F9: variants seen among roughly 807,000 people sequenced by gnomAD.
F9 encodes Christmas factor.
F9 carries 2 observed loss-of-function variants against 34.1 expected under a neutral mutation model. The observed-to-expected ratio is 0.06, with a 90% confidence interval of 0.02 to 0.18. F9 has a LOEUF of 0.18. F9 is among the 10% of genes least tolerant of loss of function. F9 has a pLI of 1.00. For synonymous variants in F9, 137 were observed against 118.8 expected (o/e 1.15, Z -1.00); for missense variants, 216 against 345.1 (o/e 0.63, Z 2.96).
intron 4 of F9, chrX:139,544,748 T>C (rs1257641685): frequency 1.8e-5 from 2 of 111,676 alleles, no homozygotes; most frequent in African/African-American, 6.5e-5. Flanking sequence ...GGATGAGTTA[T>C]CAAACTACTC....
intron 3 of F9, among the ~76,000 whole-genome samples, chrX:139,540,620 G>A (rs763454112): frequency 1.6e-4 from 18 of 111,720 alleles, no homozygotes; most frequent in Admixed American, 7.6e-4. Context: ...AAGTGGAAAC[G>A]CCATATATTA....
intron 6 of F9, among the ~76,000 whole-genome samples, chrX:139,552,737 G>C (rs1266701490): frequency 8.9e-6 from 1 of 112,294 alleles, no homozygotes; most frequent in Non-Finnish European, 1.9e-5. Flanking sequence ...ACTTATAATA[G>C]TTTAGTGTAA....
At chrX:139,560,008 C>T (rs959201490) in intron 6 of F9, among the ~76,000 whole-genome samples, 3 of 112,131 alleles carry the variant, frequency 2.7e-5, no homozygotes, top group African/African-American at 9.7e-5. Context: ...ATGGACTTGC[C>T]TCTTATCTAA....
At chrX:139,554,583 T>C (rs1376362196) in intron 6 of F9, among the ~76,000 whole-genome samples, 2 of 112,221 alleles carry the variant, frequency 1.8e-5, no homozygotes, top group Non-Finnish European at 3.8e-5. Flanking sequence ...CATTTGTGGA[T>C]GGGCCAGCTC....
intron 3 of F9, among the ~76,000 whole-genome samples, chrX:139,538,524 A>T (rs1342615210): frequency 9.0e-6 from 1 of 111,585 alleles, no homozygotes; most frequent in Non-Finnish European, 1.9e-5. Flanking sequence ...ACACTCTTTT[A>T]CTCTCATAAC....
intron 1 of F9, among the ~76,000 whole-genome samples, chrX:139,533,798 A>G (rs1294579735): frequency 9.0e-6 from 1 of 111,190 alleles, no homozygotes; most frequent in Non-Finnish European, 1.9e-5. Context: ...TGTGCCCTAC[A>G]TGCCTTGTTT....
chrX:139,530,826 G>T lies in F9; in HGVS notation c.62G>T (p.Gly21Val). Residue 21 changes from glycine to valine, a missense_variant, in exon 1 of 8, where the codon GGA (glycine) becomes GTA (valine). By Grantham distance (109) the Gly-to-Val change is moderately radical. Coordinates refer to ENST00000218099, the MANE Select transcript of F9 (RefSeq NM_000133.4). ...GGCCTCATCACCATCTGCCTTTTAG[G>T]ATATCTACTCAGTGCTGAATGTACA... is the stretch of plus-strand genomic sequence containing the variant. ...SPGLITICLL[G>V]YLLSAECTVF... is the part of the protein sequence containing the mutation. The T allele has an allele frequency of 5.0e-6, 6 of 1,208,780 alleles. No homozygotes were observed. Among genetic ancestry groups the T allele is most frequent in the Non-Finnish European group, 6.7e-6 (6 of 892,714 alleles).
chrX:139,550,141 T>C (rs1927807718), intron 5 of F9, among the ~76,000 whole-genome samples: 1 of 112,534 alleles, frequency 8.9e-6, no homozygotes, highest in Non-Finnish European at 1.9e-5. Flanking sequence ...GCCTTAGCTT[T>C]AGCAGAATAA....
intron 3 of F9, among the ~76,000 whole-genome samples, chrX:139,538,626 C>T (rs3117454): frequency 0.059 from 6,571 of 111,250 alleles, 497 homozygotes; most frequent in African/African-American, 0.2. Flanking sequence ...ATCTTAGAAA[C>T]GAATACTACC....
At chrX:139,534,713 C>T (rs1421254476) in intron 1 of F9, among the ~76,000 whole-genome samples, 4 of 111,854 alleles carry the variant, frequency 3.6e-5, no homozygotes, top group East Asian at 2.8e-4. Flanking sequence ...ATTTTTATAT[C>T]GGAGACTTGA....
chrX:139,545,995 G>T (rs1248611932), intron 4 of F9, among the ~76,000 whole-genome samples: 3 of 111,059 alleles, frequency 2.7e-5, no homozygotes, highest in Non-Finnish European at 5.7e-5. Context: ...TGTCACAGGG[G>T]TTTGTTGTAC....
chrX:139,560,635 G>A lies in F9; in HGVS notation c.724-106G>A. 5 of 555,518 alleles carry A rather than the reference G, an allele frequency of 9.0e-6. No individual in the cohort carries two copies. The South Asian group carries it at 1.0e-4, about 11-fold the overall frequency. 45.8% of individuals were successfully genotyped at this position (555,518 alleles called of 1,213,427 possible). A position where few individuals can be genotyped will look rare whatever the true frequency, so the allele number is the denominator to read the frequency against. ...TTCCAGAAACATTCCATTTCTGCCA[G>A]CACCTAGAAGCCAATATTTTGCCTA... On this transcript the variant is annotated intron_variant, in intron 6 of 7. Transcript: ENST00000218099.
intron 1 of F9, among the ~76,000 whole-genome samples, chrX:139,536,232 C>CATATAGGTAT (rs1927466715): frequency 9.8e-6 from 1 of 101,693 alleles, no homozygotes; most frequent in Admixed American, 1.1e-4. Flanking sequence ...TATGTACACA[C>CATATAGGTAT]ATATATGTAT....
intron 6 of F9, among the ~76,000 whole-genome samples, chrX:139,552,314 T>C (rs1210072767): frequency 8.9e-6 from 1 of 112,498 alleles, no homozygotes; most frequent in Non-Finnish European, 1.9e-5. Flanking sequence ...CAGACATTTC[T>C]CCAAGCGTAG....
At chrX:139,541,500 C>T (rs756060527) in intron 4 of F9, among the ~76,000 whole-genome samples, 2 of 111,743 alleles carry the variant, frequency 1.8e-5, no homozygotes, top group Non-Finnish European at 3.8e-5. Flanking sequence ...GCAACTCCAA[C>T]GGCCAAAAAT....
chrX:139,547,157 T>C (rs1480338180), intron 4 of F9: 2 of 111,728 alleles, frequency 1.8e-5, no homozygotes, highest in Non-Finnish European at 3.8e-5. Context: ...AGCACACCTG[T>C]ACATATATAA....
In F9 at chrX:139,561,901, T is replaced by C; in HGVS notation, c.1216T>C (p.Ser406Pro). Reference sequence around the variant, plus strand: ...TGGCTTCCATGAAGGAGGTAGAGATTCATGTCAAGGAGATAGTGGGGGACC... The same window carrying C: ...TGGCTTCCATGAAGGAGGTAGAGATCCATGTCAAGGAGATAGTGGGGGACC... ...CAGFHEGGRD[S>P]CQGDSGGPHV... The change falls in exon 8 of 8, where the codon TCA becomes CCA. Residue 406 changes from serine to proline, a missense_variant. Ser to Pro is a moderately conservative substitution (Grantham distance 74, BLOSUM62 -1). Around this residue, in one of 2 missense-constraint regions of F9, gnomAD observed 177 missense variants for 311.8 expected, o/e 0.57. Coordinates refer to ENST00000218099, the MANE Select transcript of F9 (RefSeq NM_000133.4). The C allele has an allele frequency of 8.3e-7, 1 of 1,211,838 alleles. No homozygotes were observed. The highest frequency in any genetic ancestry group is 1.1e-6 in the Non-Finnish European group (1 of 895,568).
rs893825843 is a variant in F9, at chrX:139,543,373, A to C, written c.391+2184A>C. On this transcript the variant is annotated intron_variant, in intron 4 of 7. Transcript: ENST00000218099. ...TCTCTCAGATAAATGAAGGTCTGTA[A>C]GAATTTGGTCATTCCTGTCTCTTCT... Among the ~76,000 whole-genome samples the C allele has an allele frequency of 3.6e-5, 4 of 111,626 alleles. No homozygotes were observed. In the South Asian group the frequency reaches 1.5e-3, roughly 42 times the overall value.
chrX:139,551,322 G>A, intron 6 of F9, 58 bp downstream of exon 6: 2 of 1,020,197 alleles, frequency 2.0e-6, no homozygotes, highest in Non-Finnish European at 2.8e-6. Context: ...CACAGGCCAG[G>A]TGGGAGACTG....
Sources: allele counts gnomAD v4.1 joint callset (sites outside exome capture counted in the v4.1 genomes callset), GRCh38; gene constraint gnomAD v4.1.1; regional missense constraint gnomAD v4.1.1; transcripts MANE v1.5; gene names NCBI Gene and HGNC (gene_info 2026-07-23, HGNC 2026-07-21).